The following CFAP61 variants were observed in gnomAD, a reference collection of about 807,000 sequenced individuals.
The protein encoded by CFAP61 is cilia- and flagella-associated protein 61.
Under a neutral mutation model 135.6 loss-of-function variants are expected in CFAP61, and 107 were observed. That is an observed-to-expected ratio of 0.79 (90% CI 0.67 to 0.93). CFAP61 has a LOEUF of 0.93. CFAP61 is among the 40% of genes least tolerant of loss of function. The pLI is 0.00. For missense variants in CFAP61, 1,507 were observed against 1,556.2 expected, an observed-to-expected ratio of 0.97 and a Z score of 0.53; for synonymous variants, 575 against 578.5, an observed-to-expected ratio of 0.99 and a Z score of 0.09.
At chr20:20,266,211 C>T (rs2052731509) in intron 21 of CFAP61, among the ~76,000 whole-genome samples, 1 of 152,242 alleles carries the variant, frequency 6.6e-6, no homozygotes, top group Non-Finnish European at 1.5e-5. Flanking sequence ...CTTGTGACCT[C>T]TATTTCTTAA....
At chr20:20,254,126 CTTCTA>C (rs2051286286) in intron 20 of CFAP61, among the ~76,000 whole-genome samples, 2 of 29,218 alleles carry the variant, frequency 6.8e-5, no homozygotes, top group Admixed American at 2.6e-4. Context: ...CCCCTCCCCT[CTTCTA>C]TCCCCTCCCC....
At chr20:20,259,415 C>G (rs928208828) in intron 20 of CFAP61, among the ~76,000 whole-genome samples, 1 of 148,754 alleles carries the variant, frequency 6.7e-6, no homozygotes, top group Non-Finnish European at 1.5e-5. Flanking sequence ...GCCGCCAAAC[C>G]CAGCTAATTT....
At chr20:20,141,781 G>C (rs2051421348) in intron 8 of CFAP61, among the ~76,000 whole-genome samples, 1 of 152,214 alleles carries the variant, frequency 6.6e-6, no homozygotes, top group South Asian at 2.1e-4. Flanking sequence ...GGAGGAAGCA[G>C]AGGACCCTGG....
intron 8 of CFAP61, among the ~76,000 whole-genome samples, chr20:20,100,291 G>A (rs929827935): frequency 6.6e-5 from 10 of 151,834 alleles, no homozygotes; most frequent in African/African-American, 2.4e-4. Context: ...TCCTGTCTCA[G>A]CCTCTGGAGT....
At chr20:20,358,113 CTG>C (rs1370576141) in intron 26 of CFAP61, among the ~76,000 whole-genome samples, 2 of 122,052 alleles carry the variant, frequency 1.6e-5, no homozygotes, top group Admixed American at 8.7e-5. Context: ...GGTGGGCACA[CTG>C]TGAGGGGTGG....
intron 17 of CFAP61, among the ~76,000 whole-genome samples, chr20:20,224,066 C>T (rs1253265817): frequency 6.6e-6 from 1 of 152,138 alleles, no homozygotes; most frequent in Non-Finnish European, 1.5e-5. Flanking sequence ...AGAAATTGTT[C>T]AGCTAAAATA....
At position 20,278,711 on chromosome 20, in the gene CFAP61, A is replaced by T. The variant is rs983818769; in HGVS notation, c.2796+1253A>T. ...AATGGTGGCTCTCACCCCCACCCCA[A>T]CCCAGAACTCAAAGGACAGGGGCTC... On this transcript the variant is annotated intron_variant, in intron 22 of 26. Coordinates refer to ENST00000245957, the MANE Select transcript of CFAP61 (RefSeq NM_015585.4). 2.6e-5 allele frequency among the ~76,000 whole-genome samples: 4 copies of T among 152,302 alleles called. No individual in the cohort carries two copies. The South Asian group carries it at 6.2e-4, about 24-fold the overall frequency.
At chr20:20,163,596 T>C (rs1050681199) in intron 10 of CFAP61, among the ~76,000 whole-genome samples, 1 of 149,778 alleles carries the variant, frequency 6.7e-6, no homozygotes, top group Non-Finnish European at 1.5e-5. Context: ...TTTTTTTTTC[T>C]TTATTATTAT....
At chr20:20,323,063 A>C in intron 25 of CFAP61, 1 of 985,440 alleles carries the variant, frequency 1.0e-6, no homozygotes, top group Non-Finnish European at 1.2e-6. Flanking sequence ...TTCTTAGACA[A>C]AGCACTGCTG....
chr20:20,163,481 A>G (rs918128275), intron 10 of CFAP61, among the ~76,000 whole-genome samples: 1 of 152,194 alleles, frequency 6.6e-6, no homozygotes, highest in Non-Finnish European at 1.5e-5. Flanking sequence ...ATATAATACT[A>G]TCACGCTCTA....
chr20:20,208,092 A>G (rs1038748825), intron 17 of CFAP61, among the ~76,000 whole-genome samples: 5 of 152,172 alleles, frequency 3.3e-5, no homozygotes, highest in African/African-American at 1.2e-4. Flanking sequence ...TCATTCTCAC[A>G]GATGTTTCAG....
chr20:20,358,139 A>AGGAGGTGGTCACACTGAGG (rs1473289319), intron 26 of CFAP61, among the ~76,000 whole-genome samples: 9 of 86,542 alleles, frequency 1.0e-4, no homozygotes, highest in Admixed American at 3.6e-4. Context: ...TCACACTGAG[A>AGGAGGTGGTCACACTGAGG]GGAGGTGGTC....
chr20:20,167,767 G>A (rs6046685), intron 12 of CFAP61, among the ~76,000 whole-genome samples: 137,534 of 152,270 alleles, frequency 0.9, 62,941 homozygotes, highest in Middle Eastern at 0.99. Flanking sequence ...GGTAAGGTCA[G>A]ACAATGGTTC....
chr20:20,357,926 G>T (rs1418126705), intron 26 of CFAP61, among the ~76,000 whole-genome samples: 1 of 129,478 alleles, frequency 7.7e-6, no homozygotes, highest in Non-Finnish European at 1.6e-5. Context: ...AGGGGAGGTG[G>T]TCACACTGAG....
chr20:20,073,405 G>A (rs757801083), intron 3 of CFAP61, among the ~76,000 whole-genome samples: 3 of 152,140 alleles, frequency 2.0e-5, no homozygotes, highest in Non-Finnish European at 2.9e-5. Flanking sequence ...CACACCATCC[G>A]ACAGAAGTGG....
intron 21 of CFAP61, among the ~76,000 whole-genome samples, chr20:20,272,106 T>C (rs1419034293): frequency 6.6e-6 from 1 of 152,192 alleles, no homozygotes; most frequent in Non-Finnish European, 1.5e-5. Flanking sequence ...TTTAAATAAA[T>C]AAATTCATAT....
chr20:20,261,562 T>G (rs1283068666), intron 20 of CFAP61, among the ~76,000 whole-genome samples: 1 of 152,156 alleles, frequency 6.6e-6, no homozygotes, highest in East Asian at 1.9e-4. Context: ...CAATTAAAAG[T>G]CAGAGGGACC....
At chr20:20,220,303 G>A (rs2146933913) in intron 17 of CFAP61, 1 of 152,400 alleles carries the variant, frequency 6.6e-6, no homozygotes, top group Middle Eastern at 3.4e-3. Context: ...GCACATGGAA[G>A]CTCTGTGCTT....
intron 2 of CFAP61, among the ~76,000 whole-genome samples, chr20:20,061,585 A>G (rs949104769): frequency 6.6e-6 from 1 of 152,240 alleles, no homozygotes; most frequent in African/African-American, 2.4e-5. Context: ...GAGGGTCACT[A>G]TATAATGATA....
Sources: allele counts gnomAD v4.1 joint callset (sites outside exome capture counted in the v4.1 genomes callset), GRCh38; gene constraint gnomAD v4.1.1; transcripts MANE v1.5; gene names NCBI Gene and HGNC (gene_info 2026-07-23, HGNC 2026-07-21).